The following BMP4 variants were observed in gnomAD, a reference collection of about 807,000 sequenced individuals.
The protein encoded by BMP4 is bone morphogenetic protein 4, also known as bone morphogenetic protein 2B.
BMP4 carries 3 observed loss-of-function variants against 29.6 expected under a neutral mutation model. The ratio of observed to expected loss-of-function variants is 0.10; its 90% CI spans 0.05 to 0.26. The LOEUF is 0.26. Ranked by LOEUF, BMP4 falls within the 10% of genes least tolerant of loss-of-function variation. The probability of loss-of-function intolerance (pLI) is 1.00; values close to 1 mark genes in which losing one functional copy is unlikely to be tolerated. For synonymous variants in BMP4, 197 were observed against 213.2 expected, an observed-to-expected ratio of 0.92 and a Z score of 0.66; for missense variants, 455 against 550.2, an observed-to-expected ratio of 0.83 and a Z score of 1.73.
At position 53,950,134 on chromosome 14, in the gene BMP4, G is replaced by A; in HGVS notation, c.1125C>T (p.Pro375=). The A allele has an allele frequency of 6.2e-7, 1 of 1,614,186 alleles. No homozygotes were observed. ...GCATGGAGATGGCACTCAGTTCAGT[G>A]GGCACACAACAGGCTTTGGGGATAC... ...NSSIPKACCV[P]TELSAISMLY... The change falls in exon 4 of 4, where the codon CCC becomes CCT. Residue 375 remains proline, a synonymous_variant. Transcript: ENST00000245451. The surrounding 1 kb of genome is among the most constrained non-coding windows in gnomAD (Gnocchi z 5.4).
chr14:53,951,037 C>A, intron 3 of BMP4, 149 bp from the exon 4 acceptor site: 3 of 1,131,284 alleles, frequency 2.7e-6, no homozygotes, highest in Admixed American at 3.8e-5. Context: ...AAGCATACCC[C>A]TTAATTTGAA....
At chr14:53,956,244 A>T (rs978374386) in intron 1 of BMP4, among the ~76,000 whole-genome samples, 2 of 152,060 alleles carry the variant, frequency 1.3e-5, no homozygotes, top group African/African-American at 4.8e-5. Context: ...CAACGCGTTC[A>T]GCCCAAGACC....
At position 53,950,526 on chromosome 14, in the gene BMP4, G is replaced by A. The variant is rs769454152; in HGVS notation, c.733C>T (p.Arg245Trp). The change falls in exon 4 of 4, where the codon CGG becomes TGG. Residue 245 changes from arginine (R) to tryptophan (W), a missense_variant. Physicochemically the swap from Arg to Trp is moderately radical, Grantham distance 101. This residue lies in a region of BMP4 where 154 missense variants were observed against 156.8 expected (regional missense o/e 0.98). Coordinates refer to ENST00000245451, the MANE Select transcript of BMP4 (RefSeq NM_001202.6). This position sits in a 1 kb window ranked among gnomAD's most constrained non-coding sequence, Gnocchi z 5.4. Reference sequence around the variant, plus strand: ...CTGACATGCTGGCCCTGGTGGGTCCGAGTCTGATGGAGGTGAGTCACCTCA... The same window carrying A: ...CTGACATGCTGGCCCTGGTGGGTCCAAGTCTGATGGAGGTGAGTCACCTCA... The part of the protein sequence containing the change: ...AIEVTHLHQT[R>W]THQGQHVRIS... 13 of 1,614,104 alleles carry A rather than the reference G, an allele frequency of 8.1e-6. No homozygotes were observed. The highest frequency in any genetic ancestry group is 4.4e-5 in the South Asian group (4 of 91,096).
In BMP4 at chr14:53,950,729, C is replaced by A; in HGVS notation, c.530G>T (p.Arg177Leu). Residue 177 changes from arginine (R) to leucine (L), a missense_variant, in exon 4 of 4, where the codon CGT becomes CTT. Around this residue, in one of 4 missense-constraint regions of BMP4, gnomAD observed 249 missense variants for 284.6 expected, o/e 0.87. Transcript: ENST00000245451. The surrounding 1 kb of genome is among the most constrained non-coding windows in gnomAD (Gnocchi z 5.4). ...QGPDWERGFH[R>L]INIYEVMKPP... ...CTTCATAACCTCATAAATGTTTATA[C>A]GGTGGAAGCCCCTTTCCCAATCAGG... 1 of 1,613,954 alleles carries A rather than the reference C, an allele frequency of 6.2e-7. No individual in the cohort carries two copies. The highest frequency in any genetic ancestry group is 2.2e-5 in the East Asian group (1 of 44,886).
At position 53,950,536 on chromosome 14, in the gene BMP4, G is replaced by T; in HGVS notation, c.723C>A (p.Leu241=). The T allele has an allele frequency of 6.2e-7, 1 of 1,614,222 alleles. No individual in the cohort carries two copies. The highest frequency in any genetic ancestry group is 8.5e-7 in the Non-Finnish European group (1 of 1,180,036). The stretch of plus-strand genomic sequence containing the variant: ...GGCCCTGGTGGGTCCGAGTCTGATG[G>T]AGGTGAGTCACCTCAATGGCTAGCC... ...NYGLAIEVTH[L]HQTRTHQGQH... The change falls in exon 4 of 4, where the codon CTC becomes CTA. Residue 241 remains leucine, a synonymous_variant. Transcript: ENST00000245451. The surrounding 1 kb of genome is among the most constrained non-coding windows in gnomAD (Gnocchi z 5.4).
rs1895272279 is a variant in BMP4 at position 53,949,833 on chromosome 14, T to A, written c.*199A>T. ...ATATGATCAATATGGTCAAAACATT[T>A]GCACGTAAAGTCATAAATAAGGTCA... On this transcript the variant is annotated 3_prime_UTR_variant, in exon 4 of 4. Transcript: ENST00000245451. The A allele has an allele frequency of 7.0e-6, 4 of 574,336 alleles. No homozygotes were observed. The highest frequency in any genetic ancestry group is 3.2e-5 in the Admixed American group (1 of 30,800). The allele number at this position is 574,336 out of a possible 1,614,324, so 35.6% of individuals were successfully genotyped here. A position where few individuals can be genotyped will look rare whatever the true frequency, so the allele number is the denominator to read the frequency against.
At chr14:53,951,697 G>T in intron 3 of BMP4, 156 bp downstream of exon 3, 1 of 1,213,968 alleles carries the variant, frequency 8.2e-7, no homozygotes, top group Non-Finnish European at 1.1e-6. Flanking sequence ...AAGTTCGGCG[G>T]CAGCTCTGCA....
At position 53,952,098 on chromosome 14, in the gene BMP4, G is replaced by T. The variant is rs1895461298; in HGVS notation, c.125C>A (p.Ala42Glu). Residue 42 changes from alanine to glutamate, a missense_variant, in exon 3 of 4, where the codon GCG becomes GAG. Ala to Glu is a moderately radical substitution (Grantham distance 107). This residue lies in a region of BMP4 where 249 missense variants were observed against 284.6 expected (regional missense o/e 0.87). Coordinates refer to ENST00000245451, the MANE Select transcript of BMP4 (RefSeq NM_001202.6). ...GCTCTGCCCTGAGCGGCGTCCTCCC[G>T]CGTGGCCCTGAATCTCGGCGACTTT... is the stretch of plus-strand genomic sequence containing the variant. ...KKKVAEIQGH[A>E]GGRRSGQSHE... 1.2e-6 allele frequency: 2 copies of T among 1,613,834 alleles called. No homozygotes were observed. Among genetic ancestry groups the T allele is most frequent in the East Asian group, 2.2e-5 (1 of 44,852 alleles).
In BMP4 at chr14:53,954,246, A is replaced by G. The variant is rs559309852; in HGVS notation, c.-132-846T>C. Among the ~76,000 whole-genome samples, 1 of 152,048 alleles carries G rather than the reference A, an allele frequency of 6.6e-6. No homozygotes were observed. Among genetic ancestry groups the G allele is most frequent in the African/African-American group, 2.4e-5 (1 of 41,492 alleles). ...CCGCCGCTGCGTGGCCCCTCTCCCC[A>G]TGCAAAGCAGACCCCCGAAGAAGCC... On this transcript the variant is annotated intron_variant, in intron 1 of 3. Transcript: ENST00000245451. This position sits in a 1 kb window ranked among gnomAD's most constrained non-coding sequence, Gnocchi z 4.8.
In BMP4 at chr14:53,950,583, G is replaced by T. The variant is rs140590144; in HGVS notation, c.676C>A (p.Arg226=). The change falls in exon 4 of 4, where the codon CGG becomes AGG. Residue 226 remains arginine (R), a synonymous_variant. Coordinates refer to ENST00000245451, the MANE Select transcript of BMP4 (RefSeq NM_001202.6). This position sits in a 1 kb window ranked among gnomAD's most constrained non-coding sequence, Gnocchi z 5.4. ...DVSPAVLRWT[R]EKQPNYGLAI... ...AGCCCATAGTTTGGCTGCTTCTCCC[G>T]GGTCCAGCGAAGGACCGCAGGGCTC... 2 of 1,614,240 alleles carry T rather than the reference G, an allele frequency of 1.2e-6. No individual in the cohort carries two copies. The highest frequency in any genetic ancestry group is 1.7e-6 in the Non-Finnish European group (2 of 1,180,040).
At position 53,953,499 on chromosome 14, in the gene BMP4, G is replaced by T. The variant is rs541144926; in HGVS notation, c.-132-99C>A. 103 of 395,272 alleles carry T rather than the reference G, an allele frequency of 2.6e-4. 1 individual carries two copies. The highest frequency in any genetic ancestry group is 1.7e-3 in the African/African-American group (84 of 48,378). The allele number at this position is 395,272 out of a possible 1,614,324, so 24.5% of individuals were successfully genotyped here. The stretch of plus-strand genomic sequence containing the variant: ...ACGTGAGCGCCGAGGCCCCTCCCGC[G>T]GCAGGCGGCGAAAGGGCTTGCGCGC... On this transcript the variant is annotated intron_variant, in intron 1 of 3. Coordinates refer to ENST00000245451, the MANE Select transcript of BMP4 (RefSeq NM_001202.6).
chr14:53,949,820 T>C lies in BMP4; in HGVS notation c.*212A>G. The C allele has an allele frequency of 1.9e-6, 1 of 526,850 alleles. No homozygotes were observed. 32.6% of individuals were successfully genotyped at this position (526,850 alleles called of 1,614,324 possible). On this transcript the variant is annotated 3_prime_UTR_variant, in exon 4 of 4. Coordinates refer to ENST00000245451, the MANE Select transcript of BMP4 (RefSeq NM_001202.6). The stretch of plus-strand genomic sequence containing the variant: ...ATTTTGTCAAAATATATGATCAATA[T>C]GGTCAAAACATTTGCACGTAAAGTC...
At chr14:53,953,929 A>ACCCC (rs71446481) in intron 1 of BMP4, among the ~76,000 whole-genome samples, 3 of 148,524 alleles carry the variant, frequency 2.0e-5, no homozygotes, top group East Asian at 2.0e-4. Context: ...GTACACACAC[A>ACCCC]CCCCCCCACA....
At position 53,949,988 on chromosome 14, in the gene BMP4, G is replaced by A. The variant is rs1895287402; in HGVS notation, c.*44C>T. On this transcript the variant is annotated 3_prime_UTR_variant, in exon 4 of 4. Transcript: ENST00000245451. ...TGTGTGTGTGGTGTATGTGGTGTGT[G>A]TGTGTGGTGTGTATATCTGTCTATC... is the stretch of plus-strand genomic sequence containing the variant. The A allele has an allele frequency of 6.2e-7, 1 of 1,608,122 alleles. No homozygotes were observed. The highest frequency in any genetic ancestry group is 8.5e-7 in the Non-Finnish European group (1 of 1,176,298).
At position 53,952,014 on chromosome 14, in the gene BMP4, C is replaced by T. The variant is rs775230487; in HGVS notation, c.209G>A (p.Arg70His). 3 of 1,613,820 alleles carry T rather than the reference C, an allele frequency of 1.9e-6. No individual in the cohort carries two copies. The highest frequency in any genetic ancestry group is 1.7e-5 in the Admixed American group (1 of 60,018). ...GACGGCACTCTTGCTAGGCTGCGGG[C>T]GGCGGCGCAGCCCAAACATCTGCAG... The part of the protein sequence containing the change: ...TLLQMFGLRR[R>H]PQPSKSAVIP... The change falls in exon 3 of 4, where the codon CGC becomes CAC. Residue 70 changes from arginine (R) to histidine (H), a missense_variant. By Grantham distance (29) the Arg-to-His change is conservative. Coordinates refer to ENST00000245451, the MANE Select transcript of BMP4 (RefSeq NM_001202.6).
Position 53,950,325 on chromosome 14 carries a change from A to G in BMP4, c.934T>C (p.Ser312Pro). The change falls in exon 4 of 4, where the codon TCG becomes CCG. Residue 312 changes from serine (S) to proline (P), a missense_variant. Ser to Pro is a moderately conservative substitution (Grantham distance 74). Around this residue, in one of 4 missense-constraint regions of BMP4, gnomAD observed 154 missense variants for 156.8 expected, o/e 0.98. Transcript: ENST00000245451. The surrounding 1 kb of genome is among the most constrained non-coding windows in gnomAD (Gnocchi z 5.4). ...ACATCGCTGAAGTCCACATAGAGCG[A>G]GTGGCGCCGGCAGTTCTTATTCTTC... ...RKKNKNCRRH[S>P]LYVDFSDVGW... is the part of the protein sequence containing the mutation. The G allele has an allele frequency of 6.2e-7, 1 of 1,614,172 alleles. No individual in the cohort carries two copies. Among genetic ancestry groups the G allele is most frequent in the Non-Finnish European group, 8.5e-7 (1 of 1,180,038 alleles).
rs151112451 is a variant in BMP4 at position 53,951,052 on chromosome 14, C to T, written c.371-164G>A. 2.0e-3 allele frequency among the ~76,000 whole-genome samples: 304 copies of T among 152,290 alleles called. 2 individuals are homozygous for T. The highest frequency in any genetic ancestry group is 7.1e-3 in the African/African-American group (295 of 41,560). On this transcript the variant is annotated intron_variant, in intron 3 of 3. Coordinates refer to ENST00000245451, the MANE Select transcript of BMP4 (RefSeq NM_001202.6). ...AAGCATACCCCTTAATTTGAAGGAG[C>T]AGATAAGTGGGGCAGCTAACAAACC...
chr14:53,951,567 G>T, intron 3 of BMP4: 4 of 358,348 alleles, frequency 1.1e-5, no homozygotes, highest in East Asian at 5.0e-5. Context: ...TGAAAAAAAC[G>T]GGCAGAAAAC....
Position 53,950,640 on chromosome 14 carries a change from G to C in BMP4, c.619C>G (p.His207Asp), listed in dbSNP as rs1357135828. ...TRLLDTRLVH[H>D]NVTRWETFDV... ...AAAGTTTCCCACCGTGTCACATTGTGGTGGACCAGTCTCGTGTCCAGTAGT... is the reference window on the plus strand; with the variant it reads ...AAAGTTTCCCACCGTGTCACATTGTCGTGGACCAGTCTCGTGTCCAGTAGT... Residue 207 changes from histidine (H) to aspartate (D), a missense_variant, in exon 4 of 4, where the codon CAC (histidine) becomes GAC (aspartate). His to Asp is a moderately conservative substitution (Grantham distance 81, BLOSUM62 -1). Around this residue, in one of 4 missense-constraint regions of BMP4, gnomAD observed 249 missense variants for 284.6 expected, o/e 0.87. Coordinates refer to ENST00000245451, the MANE Select transcript of BMP4 (RefSeq NM_001202.6). This position sits in a 1 kb window ranked among gnomAD's most constrained non-coding sequence, Gnocchi z 5.4. 6 of 1,614,130 alleles carry C rather than the reference G, an allele frequency of 3.7e-6. No individual in the cohort carries two copies. In the East Asian group the frequency reaches 1.1e-4, roughly 30 times the overall value.
Sources: gnomAD v4.1 joint callset for allele counts (sites outside exome capture counted in the v4.1 genomes callset) on GRCh38, gnomAD v4.1.1 for gene constraint, gnomAD v4.1.1 regional missense constraint, Gnocchi (gnomAD v3.1) non-coding constraint, MANE v1.5 for transcripts, NCBI Gene and HGNC (gene_info 2026-07-23, HGNC 2026-07-21) for gene names.